MAP7: variants seen among roughly 807,000 people sequenced by gnomAD.
MAP7 encodes microtubule associated protein 7.
Under a neutral mutation model 94.8 loss-of-function variants are expected in MAP7, and 52 were observed. That is an observed-to-expected ratio of 0.55 (90% CI 0.44 to 0.69). The LOEUF (loss-of-function observed/expected upper bound fraction) is 0.69. Among genes scored for constraint, MAP7 ranks in the 30% least tolerant of loss-of-function variants. MAP7 has a pLI of 0.00. For missense variants in MAP7, 940 were observed against 964.6 expected, an observed-to-expected ratio of 0.97 and a Z score of 0.34; for synonymous variants, 350 against 357.0, an observed-to-expected ratio of 0.98 and a Z score of 0.22.
intron 1 of MAP7, among the ~76,000 whole-genome samples, chr6:136,435,023 T>C (rs1796001420): frequency 1.3e-5 from 2 of 152,196 alleles, no homozygotes; most frequent in South Asian, 4.1e-4. Flanking sequence ...TATGGGCCCT[T>C]TGGGGGTCAT....
intron 2 of MAP7, among the ~76,000 whole-genome samples, chr6:136,414,044 T>A (rs1286482400): frequency 6.6e-6 from 1 of 151,172 alleles, no homozygotes; most frequent in African/African-American, 2.4e-5. Flanking sequence ...GGTCAGGAGA[T>A]CGAGACCATC....
chr6:136,518,769 G>A (rs1281383123), intron 1 of MAP7, among the ~76,000 whole-genome samples: 3 of 152,134 alleles, frequency 2.0e-5, no homozygotes, highest in East Asian at 3.8e-4. Flanking sequence ...TAATGGAAAT[G>A]GACATTCAAT....
At chr6:136,545,917 A>G (rs919108755) in intron 1 of MAP7, among the ~76,000 whole-genome samples, 4 of 152,188 alleles carry the variant, frequency 2.6e-5, no homozygotes, top group Admixed American at 6.5e-5. Flanking sequence ...AAACAATCCA[A>G]TTACACTCTT....
chr6:136,463,987 C>T (rs966116043), intron 1 of MAP7, among the ~76,000 whole-genome samples: 6 of 152,142 alleles, frequency 3.9e-5, no homozygotes, highest in African/African-American at 1.4e-4. Context: ...TACCACATGA[C>T]CTTCATTGTG....
chr6:136,503,095 G>C (rs190387207), intron 1 of MAP7, among the ~76,000 whole-genome samples: 209 of 152,224 alleles, frequency 1.4e-3, no homozygotes, highest in Non-Finnish European at 2.3e-3. Flanking sequence ...TCAGGCCCAA[G>C]GACTACATGA....
chr6:136,475,698 A>T (rs1810646826), intron 1 of MAP7, among the ~76,000 whole-genome samples: 1 of 152,142 alleles, frequency 6.6e-6, no homozygotes, highest in East Asian at 1.9e-4. Flanking sequence ...AAGGTGTATG[A>T]GAAGGTTGGT....
intron 11 of MAP7, among the ~76,000 whole-genome samples, 166 bp downstream of exon 11, chr6:136,362,284 A>C (rs1371026120): frequency 2.0e-5 from 3 of 152,198 alleles, no homozygotes; most frequent in Non-Finnish European, 2.9e-5. Context: ...GATGTGATTT[A>C]AAAAACAAAC....
At position 136,365,958 on chromosome 6, in the gene MAP7, T is replaced by A; in HGVS notation, c.1050A>T (p.Pro350=). 1.9e-6 allele frequency: 3 copies of A among 1,613,636 alleles called. No homozygotes were observed. Among genetic ancestry groups the A allele is most frequent in the Non-Finnish European group, 2.5e-6 (3 of 1,179,992 alleles). The part of the protein sequence containing the change: ...PGTPRPTSSL[P]PGSVKAAPAQ... Reference sequence around the variant, plus strand: ...CAGGAGCAGCTTTGACTGAGCCGGGTGGCAAGGAGGATGTCGGTCTGGGTG... The same window carrying A: ...CAGGAGCAGCTTTGACTGAGCCGGGAGGCAAGGAGGATGTCGGTCTGGGTG... The change falls in exon 10 of 18, where the codon CCA becomes CCT. Residue 350 remains proline, a synonymous_variant. Coordinates refer to ENST00000354570, the MANE Select transcript of MAP7 (RefSeq NM_003980.6).
Position 136,523,142 on chromosome 6 carries a change from G to C in MAP7, c.67+27200C>G, listed in dbSNP as rs775500335. Among the ~76,000 whole-genome samples the C allele has an allele frequency of 2.8e-4, 42 of 152,306 alleles. 1 individual carries two copies. Among genetic ancestry groups the C allele is most frequent in the Non-Finnish European group, 5.1e-4 (35 of 68,024 alleles). On this transcript the variant is annotated intron_variant, in intron 1 of 17. Coordinates refer to ENST00000354570, the MANE Select transcript of MAP7 (RefSeq NM_003980.6). Reference sequence around the variant, plus strand: ...ACTGGTAATAATAATAATCAGAACAGTGCAACAACATTTAAGTGGAAAAGG... The same window carrying C: ...ACTGGTAATAATAATAATCAGAACACTGCAACAACATTTAAGTGGAAAAGG...
intron 3 of MAP7, among the ~76,000 whole-genome samples, chr6:136,391,957 C>T (rs972436482): frequency 2.0e-5 from 3 of 152,156 alleles, no homozygotes; most frequent in African/African-American, 7.2e-5. Flanking sequence ...AAAGCTTAAA[C>T]AACACAAAAT....
intron 7 of MAP7, among the ~76,000 whole-genome samples, chr6:136,377,490 A>T (rs1405771368): frequency 6.6e-6 from 1 of 152,220 alleles, no homozygotes; most frequent in Non-Finnish European, 1.5e-5. Context: ...TTCTTCGGGT[A>T]ATGTTATGAA....
chr6:136,439,547 T>C (rs1797271140), intron 1 of MAP7, among the ~76,000 whole-genome samples: 1 of 152,226 alleles, frequency 6.6e-6, no homozygotes, highest in Non-Finnish European at 1.5e-5. Flanking sequence ...AGGACGCGCT[T>C]AGATGAATAA....
Position 136,372,573 on chromosome 6 carries a change from C to A in MAP7, c.804G>T (p.Ser268=), listed in dbSNP as rs1774872822. The A allele has an allele frequency of 6.2e-7, 1 of 1,614,116 alleles. No individual in the cohort carries two copies. Among genetic ancestry groups the A allele is most frequent in the Non-Finnish European group, 8.5e-7 (1 of 1,180,016 alleles). Residue 268 remains serine (S), a synonymous_variant, in exon 8 of 18, where the codon TCG becomes TCT. Transcript: ENST00000354570. Reference sequence around the variant, plus strand: ...TTACAAAGAGTTTTGGTCGATCCATCGAATTTCTAGAGTGTGCAGCTTTGT... The same window carrying A: ...TTACAAAGAGTTTTGGTCGATCCATAGAATTTCTAGAGTGTGCAGCTTTGT... ...MPYKAAHSRN[S]MDRPKLFVTP...
intron 1 of MAP7, among the ~76,000 whole-genome samples, chr6:136,539,582 A>G (rs1829148670): frequency 6.6e-6 from 1 of 152,152 alleles, no homozygotes; most frequent in Middle Eastern, 3.2e-3. Flanking sequence ...AGAGGAGAAA[A>G]GGATAGGAAA....
chr6:136,378,298 T>C (rs1776817547), intron 6 of MAP7, among the ~76,000 whole-genome samples: 1 of 152,056 alleles, frequency 6.6e-6, no homozygotes, highest in African/African-American at 2.4e-5. Flanking sequence ...TAAACCCCAA[T>C]AGAGGCACTG....
intron 1 of MAP7, among the ~76,000 whole-genome samples, chr6:136,537,850 C>G (rs1278334736): frequency 6.6e-6 from 1 of 151,444 alleles, no homozygotes; most frequent in African/African-American, 2.4e-5. Context: ...TGCAATGGCA[C>G]AATCTCGGCT....
At chr6:136,549,247 G>C (rs79699238) in intron 1 of MAP7, among the ~76,000 whole-genome samples, 2 of 152,192 alleles carry the variant, frequency 1.3e-5, no homozygotes, top group African/African-American at 4.8e-5. Context: ...GCTTCCGATT[G>C]TGACCGTATG....
intron 1 of MAP7, among the ~76,000 whole-genome samples, chr6:136,440,722 CAG>C (rs1797594564): frequency 6.6e-6 from 1 of 151,676 alleles, no homozygotes; most frequent in Admixed American, 6.6e-5. Context: ...AGAATTATGA[CAG>C]TGAGCAGAGG....
At chr6:136,481,162 A>G (rs992429464) in intron 1 of MAP7, among the ~76,000 whole-genome samples, 1 of 152,182 alleles carries the variant, frequency 6.6e-6, no homozygotes, top group African/African-American at 2.4e-5. Flanking sequence ...CCCTTGTACA[A>G]TGCTGGTGGG....
Sources: gnomAD v4.1 joint callset for allele counts (sites outside exome capture counted in the v4.1 genomes callset) on GRCh38, gnomAD v4.1.1 for gene constraint, MANE v1.5 for transcripts, NCBI Gene and HGNC (gene_info 2026-07-23, HGNC 2026-07-21) for gene names.